CSMD1: variants seen among roughly 807,000 people sequenced by gnomAD.
CSMD1 encodes the protein CUB and sushi domain-containing protein 1.
A neutral mutation model predicts 417.5 loss-of-function variants in CSMD1; 213 were observed. The observed-to-expected ratio is 0.51, with a 90% CI of 0.46 to 0.57. The LOEUF is 0.57. Among genes scored for constraint, CSMD1 ranks in the 20% least tolerant of loss-of-function variants. CSMD1 has a pLI of 0.00. For synonymous variants in CSMD1, 2,862 were observed against 1,736.8 expected, an observed-to-expected ratio of 1.65 and a Z score of -16.11; for missense variants, 6,923 against 4,529.7, an observed-to-expected ratio of 1.53 and a Z score of -15.17.
At chr8:4,455,353 A>C (rs1481227185) in intron 2 of CSMD1, among the ~76,000 whole-genome samples, 1 of 152,176 alleles carries the variant, frequency 6.6e-6, no homozygotes, top group Non-Finnish European at 1.5e-5. Context: ...ACTAAGTGAC[A>C]CCCAGAAGCT....
At chr8:4,599,948 C>T (rs997595890) in intron 2 of CSMD1, among the ~76,000 whole-genome samples, 3 of 152,136 alleles carry the variant, frequency 2.0e-5, no homozygotes, top group Non-Finnish European at 4.4e-5. Context: ...GGATCTGACA[C>T]GCATATGCTC....
At chr8:3,034,833 G>C (rs977598186) in intron 50 of CSMD1, among the ~76,000 whole-genome samples, 2 of 152,112 alleles carry the variant, frequency 1.3e-5, no homozygotes, top group African/African-American at 2.4e-5. Flanking sequence ...GAGAAATATA[G>C]AGGATGGTAG....
At chr8:4,248,378 T>C (rs1585093962) in intron 3 of CSMD1, among the ~76,000 whole-genome samples, 2 of 152,290 alleles carry the variant, frequency 1.3e-5, no homozygotes, top group East Asian at 1.9e-4. Flanking sequence ...TGGTGAGTGC[T>C]GGTTTGCTGG....
chr8:3,240,397 A>G (rs1026470491), intron 26 of CSMD1, among the ~76,000 whole-genome samples: 2 of 148,162 alleles, frequency 1.3e-5, no homozygotes, highest in Admixed American at 6.9e-5. Context: ...TCTAAAGTCG[A>G]AAGTATCCAA....
At chr8:4,486,116 T>C (rs1419376944) in intron 2 of CSMD1, among the ~76,000 whole-genome samples, 1 of 71,094 alleles carries the variant, frequency 1.4e-5, no homozygotes, top group African/African-American at 6.3e-5. Context: ...TATGTATATA[T>C]ACATACATAT....
chr8:4,053,036 C>G (rs751075569), intron 3 of CSMD1, among the ~76,000 whole-genome samples: 2 of 152,126 alleles, frequency 1.3e-5, no homozygotes, highest in Non-Finnish European at 2.9e-5. Flanking sequence ...ACAATTGGTA[C>G]CTCTAACCAG....
Position 4,847,739 on chromosome 8 carries a change from C to T in CSMD1, c.85+146593G>A, listed in dbSNP as rs189507283. ...CGCCTACCTTGACAGTTTTCAGGAC[C>T]GTTGGTCAGGTCTTCTATAGAATTC... On this transcript the variant is annotated intron_variant, in intron 1 of 69. Transcript: ENST00000635120. 2.6e-3 allele frequency among the ~76,000 whole-genome samples: 388 copies of T among 150,950 alleles called. 1 individual carries two copies. The highest frequency in any genetic ancestry group is 9.1e-3 in the African/African-American group (376 of 41,146).
chr8:3,972,231 A>AG (rs1262796477), intron 5 of CSMD1, among the ~76,000 whole-genome samples: 1 of 152,200 alleles, frequency 6.6e-6, no homozygotes, highest in Non-Finnish European at 1.5e-5. Context: ...AGAAAAAAAA[A>AG]AGAACTTCAA....
chr8:3,515,572 T>A (rs1470820428), intron 10 of CSMD1, among the ~76,000 whole-genome samples: 4 of 152,204 alleles, frequency 2.6e-5, no homozygotes, highest in African/African-American at 4.8e-5. Flanking sequence ...ATTGCCGTTT[T>A]CGGAAGTTTA....
chr8:4,368,423 G>A (rs527290525), intron 3 of CSMD1, among the ~76,000 whole-genome samples: 7 of 152,244 alleles, frequency 4.6e-5, no homozygotes, highest in African/African-American at 1.4e-4. Flanking sequence ...ATATTTGCCA[G>A]AAGATTCATT....
At chr8:4,475,120 T>C (rs189515782) in intron 2 of CSMD1, among the ~76,000 whole-genome samples, 47 of 152,286 alleles carry the variant, frequency 3.1e-4, no homozygotes, top group African/African-American at 1.1e-3. Context: ...TGTTTTAGGA[T>C]GCTTTATTAT....
chr8:3,778,299 G>A (rs1182829867), intron 5 of CSMD1, among the ~76,000 whole-genome samples: 1 of 152,190 alleles, frequency 6.6e-6, no homozygotes, highest in East Asian at 1.9e-4. Context: ...ATTTAAAAGG[G>A]TATCTTTCTC....
At chr8:4,406,360 G>C (rs879882137) in intron 3 of CSMD1, among the ~76,000 whole-genome samples, 3 of 152,106 alleles carry the variant, frequency 2.0e-5, no homozygotes, top group East Asian at 1.9e-4. Context: ...TAGGGAAAGA[G>C]AGATGACAAT....
chr8:3,352,914 A>C (rs779933154), intron 21 of CSMD1, among the ~76,000 whole-genome samples: 2 of 152,144 alleles, frequency 1.3e-5, no homozygotes, highest in South Asian at 2.1e-4. Context: ...AAAACAAAAA[A>C]CACAAAAACA....
In CSMD1 at chr8:4,536,204, C is replaced by T. The variant is rs189353247; in HGVS notation, c.302+101138G>A. Among the ~76,000 whole-genome samples, 3 of 152,068 alleles carry T rather than the reference C, an allele frequency of 2.0e-5. No homozygotes were observed. In the South Asian group the frequency reaches 6.2e-4, roughly 32 times the overall value. ...ATTTGACTGCAAATTTTTAACGATGCTTTTGCATTTCATTTTAACCTATTC... is the reference window on the plus strand; with the variant it reads ...ATTTGACTGCAAATTTTTAACGATGTTTTTGCATTTCATTTTAACCTATTC... On this transcript the variant is annotated intron_variant, in intron 2 of 69. Coordinates refer to ENST00000635120, the MANE Select transcript of CSMD1 (RefSeq NM_033225.6).
intron 5 of CSMD1, among the ~76,000 whole-genome samples, chr8:3,895,747 C>T (rs183590782): frequency 7.9e-5 from 12 of 152,158 alleles, no homozygotes; most frequent in East Asian, 5.8e-4. Context: ...TTTATTCATT[C>T]CTAATTCAGT....
At chr8:3,728,179 T>C (rs2129046709) in intron 6 of CSMD1, among the ~76,000 whole-genome samples, 1 of 152,324 alleles carries the variant, frequency 6.6e-6, no homozygotes, top group Non-Finnish European at 1.5e-5. Flanking sequence ...GCCCCCATAC[T>C]GTTCTCATGG....
At chr8:4,714,858 C>T (rs1584986007) in intron 1 of CSMD1, among the ~76,000 whole-genome samples, 1 of 152,002 alleles carries the variant, frequency 6.6e-6, no homozygotes, top group Non-Finnish European at 1.5e-5. Flanking sequence ...ATTCTTAAAA[C>T]CGAAGAAAAA....
intron 49 of CSMD1, among the ~76,000 whole-genome samples, chr8:3,084,809 G>A (rs1814406038): frequency 6.6e-6 from 1 of 151,658 alleles, no homozygotes; most frequent in East Asian, 1.9e-4. Context: ...TCATTTTAAA[G>A]GTTTAATTTT....
Sources: gnomAD v4.1 joint callset for allele counts (sites outside exome capture counted in the v4.1 genomes callset) on GRCh38, gnomAD v4.1.1 for gene constraint, MANE v1.5 for transcripts, NCBI Gene and HGNC (gene_info 2026-07-23, HGNC 2026-07-21) for gene names.